The following IKZF3 variants were observed in gnomAD, a reference collection of about 807,000 sequenced individuals.
IKZF3 encodes the protein zinc finger protein Aiolos.
Under a neutral mutation model 49.0 loss-of-function variants are expected in IKZF3, and 10 were observed. The observed-to-expected ratio is 0.20, with a 90% CI of 0.13 to 0.35. The LOEUF is 0.35. Among genes scored for constraint, IKZF3 ranks in the 10% least tolerant of loss-of-function variants. The probability of loss-of-function intolerance (pLI) is 1.00; values close to 1 mark genes in which losing one functional copy is unlikely to be tolerated. For missense variants in IKZF3, 498 were observed against 664.8 expected, an observed-to-expected ratio of 0.75 and a Z score of 2.76; for synonymous variants, 209 against 228.2, an observed-to-expected ratio of 0.92 and a Z score of 0.76.
chr17:39,802,221 C>CAAAAAAA (rs56029512), intron 3 of IKZF3, among the ~76,000 whole-genome samples: 4 of 54,414 alleles, frequency 7.4e-5, no homozygotes, highest in African/African-American at 8.5e-5. Flanking sequence ...GACTCCATCT[C>CAAAAAAA]AAAAAAAAAA....
intron 6 of IKZF3, among the ~76,000 whole-genome samples, chr17:39,778,403 CA>C (rs575776485): frequency 1.8e-4 from 28 of 151,784 alleles, no homozygotes; most frequent in African/African-American, 5.1e-4. Context: ...CTTCACATTT[CA>C]AAATAGTCTC....
chr17:39,860,458 G>C (rs964615348), intron 1 of IKZF3, among the ~76,000 whole-genome samples: 3 of 152,120 alleles, frequency 2.0e-5, no homozygotes, highest in Non-Finnish European at 2.9e-5. Flanking sequence ...ATATTCAATG[G>C]ATATTTTAAT....
In IKZF3 at chr17:39,762,247, C is replaced by T. The variant is rs1312186742; in HGVS notation, c.*3543G>A. On this transcript the variant is annotated 3_prime_UTR_variant, in exon 8 of 8. Transcript: ENST00000346872. ...AGATTCTCCTTCACCCTCACCTCCC[C>T]AGCCCTGGCAAGGGGTTTGTTAATT... 2 of 152,388 alleles carry T rather than the reference C, an allele frequency of 1.3e-5. No individual in the cohort carries two copies. Among genetic ancestry groups the T allele is most frequent in the East Asian group, 3.9e-4 (2 of 5,188 alleles). 9.4% of individuals were successfully genotyped at this position (152,388 alleles called of 1,614,324 possible). A position where few individuals can be genotyped will look rare whatever the true frequency, so the allele number is the denominator to read the frequency against.
At chr17:39,773,666 G>GT (rs1017911834) in intron 7 of IKZF3, among the ~76,000 whole-genome samples, 2 of 152,218 alleles carry the variant, frequency 1.3e-5, no homozygotes, top group African/African-American at 2.4e-5. Flanking sequence ...AATAACATCT[G>GT]TTTTTTTGGG....
intron 7 of IKZF3, among the ~76,000 whole-genome samples, chr17:39,768,427 G>A (rs1226047326): frequency 6.6e-6 from 1 of 152,170 alleles, no homozygotes; most frequent in Non-Finnish European, 1.5e-5. Flanking sequence ...TGGCTGAAAC[G>A]CGATCAAGAA....
In IKZF3 at chr17:39,792,662, A is replaced by G; in HGVS notation, c.424+11T>C. 2 of 1,602,696 alleles carry G rather than the reference A, an allele frequency of 1.2e-6. No individual in the cohort carries two copies. The highest frequency in any genetic ancestry group is 1.7e-6 in the Non-Finnish European group (2 of 1,173,560). On this transcript the variant is annotated intron_variant, in intron 4 of 7. Coordinates refer to ENST00000346872, the MANE Select transcript of IKZF3 (RefSeq NM_012481.5). ...GAGTTTTCAGAAGAATGAAAAAAGC[A>G]GACTATTTACCAGTATGGCTTCGCT...
intron 1 of IKZF3, among the ~76,000 whole-genome samples, chr17:39,847,470 T>C (rs2062668912): frequency 6.6e-6 from 1 of 152,164 alleles, no homozygotes; most frequent in African/African-American, 2.4e-5. Flanking sequence ...CTCTAGTAGT[T>C]AAAAGCATTC....
chr17:39,813,546 G>A (rs1038226422), intron 3 of IKZF3, among the ~76,000 whole-genome samples: 2 of 151,774 alleles, frequency 1.3e-5, no homozygotes, highest in South Asian at 4.2e-4. Flanking sequence ...CTGGAGTCTC[G>A]GGTGGGAGGA....
At chr17:39,834,488 A>G (rs1440685502) in intron 1 of IKZF3, among the ~76,000 whole-genome samples, 1 of 152,204 alleles carries the variant, frequency 6.6e-6, no homozygotes, top group East Asian at 1.9e-4. Context: ...GTCTTCTGTG[A>G]TCCACTGGTT....
Position 39,786,034 on chromosome 17 carries a change from T to G in IKZF3, c.709+2224A>C, listed in dbSNP as rs574852713. 2.6e-5 allele frequency among the ~76,000 whole-genome samples: 4 copies of G among 152,298 alleles called. No homozygotes were observed. In the South Asian group the frequency reaches 8.3e-4, roughly 32 times the overall value. ...TCCATAGAGACAGAAAGTAGATTGG[T>G]GGCTGCCAGGAGCTAGAGGAAGGGG... On this transcript the variant is annotated intron_variant, in intron 6 of 7. Coordinates refer to ENST00000346872, the MANE Select transcript of IKZF3 (RefSeq NM_012481.5).
At chr17:39,824,283 G>A (rs1000732146) in intron 3 of IKZF3, among the ~76,000 whole-genome samples, 1 of 152,128 alleles carries the variant, frequency 6.6e-6, no homozygotes, top group Non-Finnish European at 1.5e-5. Flanking sequence ...TCTCCCATTT[G>A]GAATGGGTAT....
intron 6 of IKZF3, among the ~76,000 whole-genome samples, chr17:39,783,834 CAGG>C (rs1211606434): frequency 7.2e-5 from 11 of 152,186 alleles, no homozygotes; most frequent in Admixed American, 3.3e-4. Flanking sequence ...TAGGCTGAGG[CAGG>C]AGAATTGCTT....
rs773135855 is a variant in IKZF3, at chr17:39,766,404, G to T, written c.916C>A (p.Gln306Lys). ...SELIQTRMMD[Q>K]AINNAISYLG... Reference sequence around the variant, plus strand: ...TAGCTGATGGCGTTATTGATGGCTTGGTCCATCATGCGGGTCTGTATGAGC... The same window carrying T: ...TAGCTGATGGCGTTATTGATGGCTTTGTCCATCATGCGGGTCTGTATGAGC... Residue 306 changes from glutamine to lysine, a missense_variant, in exon 8 of 8, where the codon CAA (glutamine) becomes AAA (lysine). By Grantham distance (53) the Gln-to-Lys change is moderately conservative (BLOSUM62 1). Coordinates refer to ENST00000346872, the MANE Select transcript of IKZF3 (RefSeq NM_012481.5). 6.2e-7 allele frequency: 1 copy of T among 1,614,088 alleles called. No individual in the cohort carries two copies. The highest frequency in any genetic ancestry group is 2.2e-5 in the East Asian group (1 of 44,886).
intron 7 of IKZF3, among the ~76,000 whole-genome samples, chr17:39,770,946 C>CAGGCACG (rs1300160408): frequency 6.6e-6 from 1 of 151,968 alleles, no homozygotes; most frequent in African/African-American, 2.4e-5. Flanking sequence ...TCTGGGACTA[C>CAGGCACG]AGGCACGTGC....
In IKZF3 at chr17:39,761,408, C is replaced by CA. The variant is rs1174549831; in HGVS notation, c.*4381dup. ...CGTAGGAAGTACCGATGCAACACTT[C>CA]AGGTAGTGACAGAAAACATTTGGAG... On this transcript the variant is annotated 3_prime_UTR_variant, in exon 8 of 8. Coordinates refer to ENST00000346872, the MANE Select transcript of IKZF3 (RefSeq NM_012481.5). 3 of 151,692 alleles carry CA rather than the reference C, an allele frequency of 2.0e-5. No homozygotes were observed. The highest frequency in any genetic ancestry group is 4.4e-5 in the Non-Finnish European group (3 of 67,974). The allele number at this position is 151,692 out of a possible 1,614,324, so 9.4% of individuals were successfully genotyped here. A position where few individuals can be genotyped will look rare whatever the true frequency, so the allele number is the denominator to read the frequency against.
At chr17:39,771,003 T>C (rs1323130120) in intron 7 of IKZF3, among the ~76,000 whole-genome samples, 1 of 152,156 alleles carries the variant, frequency 6.6e-6, no homozygotes, top group Non-Finnish European at 1.5e-5. Context: ...AGGTATGAAT[T>C]ATCATCTCTT....
chr17:39,815,679 T>C (rs1001913655), intron 3 of IKZF3, among the ~76,000 whole-genome samples: 1 of 152,198 alleles, frequency 6.6e-6, no homozygotes, highest in African/African-American at 2.4e-5. Flanking sequence ...TAAACAAAAA[T>C]AAAGACTTGG....
At chr17:39,835,148 C>A in intron 1 of IKZF3, 2 of 480,676 alleles carry the variant, frequency 4.2e-6, no homozygotes, top group Non-Finnish European at 4.1e-6. Context: ...CTGAGCTCAG[C>A]CCACCTGAGT....
chr17:39,844,952 G>A (rs892218678), intron 1 of IKZF3, among the ~76,000 whole-genome samples: 5 of 152,284 alleles, frequency 3.3e-5, no homozygotes, highest in African/African-American at 1.2e-4. Flanking sequence ...GAACAGTGAT[G>A]TTGTCTGTTT....
Sources: allele counts gnomAD v4.1 joint callset (sites outside exome capture counted in the v4.1 genomes callset), GRCh38; gene constraint gnomAD v4.1.1; transcripts MANE v1.5; gene names NCBI Gene and HGNC (gene_info 2026-07-23, HGNC 2026-07-21).